The following SYT13 variants were observed in gnomAD, a reference collection of about 807,000 sequenced individuals.
The protein encoded by SYT13 is synaptotagmin 13.
A neutral mutation model predicts 38.6 loss-of-function variants in SYT13; 21 were observed. That is an observed-to-expected ratio of 0.54 (90% confidence interval 0.39 to 0.78). The LOEUF (loss-of-function observed/expected upper bound fraction) is 0.78, where lower values mean the gene tolerates loss of function less well. Among genes scored for constraint, SYT13 ranks in the 30% least tolerant of loss-of-function variants. SYT13 has a pLI of 0.00. For missense variants in SYT13, 495 were observed against 548.7 expected (o/e 0.90, Z 0.98); for synonymous variants, 241 against 237.6 (o/e 1.01, Z -0.13).
At chr11:45,281,315 G>A (rs1362606305) in intron 1 of SYT13, among the ~76,000 whole-genome samples, 1 of 152,214 alleles carries the variant, frequency 6.6e-6, no homozygotes, top group Non-Finnish European at 1.5e-5. Flanking sequence ...GCTGGAAAGA[G>A]GATGGGATTG....
At chr11:45,276,932 T>C (rs1250115765) in intron 1 of SYT13, among the ~76,000 whole-genome samples, 1 of 152,124 alleles carries the variant, frequency 6.6e-6, no homozygotes, top group Non-Finnish European at 1.5e-5. Flanking sequence ...AAACAGTTAC[T>C]CAAATATTTC....
intron 4 of SYT13, among the ~76,000 whole-genome samples, chr11:45,247,904 A>C (rs191224499): frequency 1.3e-5 from 2 of 152,372 alleles, no homozygotes; most frequent in East Asian, 3.9e-4. Context: ...TCAGAGGATG[A>C]AGTGAGAAAA....
rs1189631304 is a variant in SYT13, at chr11:45,252,819, C to T, written c.545-97G>A. On this transcript the variant is annotated intron_variant, in intron 3 of 5. Coordinates refer to ENST00000020926, the MANE Select transcript of SYT13 (RefSeq NM_020826.3). This position sits in a 1 kb window ranked among gnomAD's most constrained non-coding sequence, Gnocchi z 4.3. ...CTTAGGGCTGTGGAATCCAGCTTAA[C>T]GACGTGACCTTGGGTGTCAGAAAGG... 20 of 1,362,718 alleles carry T rather than the reference C, an allele frequency of 1.5e-5. No individual in the cohort carries two copies. The highest frequency in any genetic ancestry group is 9.7e-5 in the East Asian group (4 of 41,042). The allele number at this position is 1,362,718 out of a possible 1,614,324, so 84.4% of individuals were successfully genotyped here.
chr11:45,283,399 T>C (rs1244533287), intron 1 of SYT13, among the ~76,000 whole-genome samples: 1 of 152,206 alleles, frequency 6.6e-6, no homozygotes, highest in Non-Finnish European at 1.5e-5. Flanking sequence ...TCAAGGAACA[T>C]CCTCAGAGAG....
intron 5 of SYT13, among the ~76,000 whole-genome samples, chr11:45,245,187 C>G (rs959765073): frequency 1.3e-5 from 2 of 152,250 alleles, no homozygotes; most frequent in African/African-American, 4.8e-5. Flanking sequence ...ACCAAGAGAG[C>G]TGGCCCCAAG....
At chr11:45,248,247 T>C (rs1040224462) in intron 4 of SYT13, among the ~76,000 whole-genome samples, 1 of 152,334 alleles carries the variant, frequency 6.6e-6, no homozygotes, top group South Asian at 2.1e-4. Context: ...GTGTGTGAAG[T>C]GCAATTACAT....
intron 1 of SYT13, among the ~76,000 whole-genome samples, chr11:45,265,643 T>A (rs1483965173): frequency 1.3e-5 from 2 of 152,110 alleles, no homozygotes; most frequent in African/African-American, 4.8e-5. Flanking sequence ...AGACAGCATC[T>A]CTCTCACATG....
At chr11:45,251,035 T>C (rs1854667775) in intron 4 of SYT13, among the ~76,000 whole-genome samples, 1 of 152,008 alleles carries the variant, frequency 6.6e-6, no homozygotes, top group Admixed American at 6.6e-5. Flanking sequence ...TCTGGTTGAT[T>C]TGGAGAGTGG....
chr11:45,273,438 G>A (rs1051199037), intron 1 of SYT13, among the ~76,000 whole-genome samples: 7 of 151,976 alleles, frequency 4.6e-5, no homozygotes, highest in Non-Finnish European at 5.9e-5. Flanking sequence ...CAGCTGATAG[G>A]TGGGGGCCTT....
At chr11:45,267,005 C>T (rs886986644) in intron 1 of SYT13, among the ~76,000 whole-genome samples, 3 of 152,252 alleles carry the variant, frequency 2.0e-5, no homozygotes, top group Non-Finnish European at 4.4e-5. Context: ...CAGCCTCTTC[C>T]ACCTTGTGGC....
At chr11:45,263,906 T>C (rs1296364651) in intron 1 of SYT13, among the ~76,000 whole-genome samples, 1 of 152,096 alleles carries the variant, frequency 6.6e-6, no homozygotes, top group Non-Finnish European at 1.5e-5. Flanking sequence ...TCTCCTGGGG[T>C]TGGATTGAGG....
rs1854552269 is a variant in SYT13 at position 45,241,557 on chromosome 11, G to A, written c.*2495C>T. ...GAAGAAGAATGAAAGGATGCTTCAT[G>A]ACCAAATGATGATGGGTGGAGTTGA... is the stretch of plus-strand genomic sequence containing the variant. On this transcript the variant is annotated 3_prime_UTR_variant, in exon 6 of 6. Transcript: ENST00000020926. 7.8e-6 allele frequency: 1 copy of A among 128,512 alleles called. No homozygotes were observed. The highest frequency in any genetic ancestry group is 3.0e-5 in the African/African-American group (1 of 32,854). 8.0% of individuals were successfully genotyped at this position (128,512 alleles called of 1,614,324 possible). A position where few individuals can be genotyped will look rare whatever the true frequency, so the allele number is the denominator to read the frequency against.
At chr11:45,285,323 A>G (rs1855120655) in intron 1 of SYT13, among the ~76,000 whole-genome samples, 1 of 152,218 alleles carries the variant, frequency 6.6e-6, no homozygotes, top group African/African-American at 2.4e-5. Flanking sequence ...TGCATGGGAT[A>G]AAAGCCCTCC....
chr11:45,281,920 C>T (rs1855079157), intron 1 of SYT13, among the ~76,000 whole-genome samples: 1 of 152,124 alleles, frequency 6.6e-6, no homozygotes, highest in Admixed American at 6.5e-5. Context: ...CAGGACTGAG[C>T]CGTGGGGCAA....
At chr11:45,266,892 G>T (rs1590523275) in intron 1 of SYT13, among the ~76,000 whole-genome samples, 3 of 152,248 alleles carry the variant, frequency 2.0e-5, no homozygotes, top group South Asian at 4.1e-4. Flanking sequence ...TAACAGACTT[G>T]TATTCATCAA....
intron 1 of SYT13, among the ~76,000 whole-genome samples, chr11:45,271,720 G>A (rs573288520): frequency 1.3e-5 from 2 of 152,316 alleles, no homozygotes; most frequent in East Asian, 1.9e-4. Flanking sequence ...CGGATGTGGA[G>A]GAAACTAGGT....
intron 4 of SYT13, among the ~76,000 whole-genome samples, chr11:45,251,863 C>T (rs551464330): frequency 6.6e-6 from 1 of 152,336 alleles, no homozygotes; most frequent in East Asian, 1.9e-4. Context: ...CTGATTGCTC[C>T]TTCAGAGCCT....
intron 1 of SYT13, among the ~76,000 whole-genome samples, chr11:45,277,518 T>C (rs1304694908): frequency 2.6e-5 from 4 of 152,224 alleles, no homozygotes; most frequent in African/African-American, 4.8e-5. Context: ...TGGTCTACAA[T>C]GCCCTGCTCA....
intron 2 of SYT13, among the ~76,000 whole-genome samples, chr11:45,255,196 C>T (rs1373273637): frequency 6.6e-6 from 1 of 152,130 alleles, no homozygotes; most frequent in Non-Finnish European, 1.5e-5. Flanking sequence ...TTGTGCCAGG[C>T]TCTGAATTAA....
Sources: allele counts gnomAD v4.1 joint callset (sites outside exome capture counted in the v4.1 genomes callset), GRCh38; gene constraint gnomAD v4.1.1; non-coding constraint Gnocchi (gnomAD v3.1); transcripts MANE v1.5; gene names NCBI Gene and HGNC (gene_info 2026-07-23, HGNC 2026-07-21).